Variants in SUMF1 observed in about 807,000 individuals in gnomAD.
The protein encoded by SUMF1 is formylglycine-generating enzyme.
A neutral mutation model predicts 47.6 loss-of-function variants in SUMF1; 48 were observed. The ratio of observed to expected loss-of-function variants is 1.01; its 90% CI spans 0.80 to 1.28. The LOEUF is 1.28. Among genes scored for constraint, SUMF1 ranks in the 50% most tolerant of loss-of-function variants. SUMF1 has a pLI of 0.00. For missense variants in SUMF1, 571 were observed against 485.4 expected (o/e 1.18, Z -1.66); for synonymous variants, 230 against 192.1 (o/e 1.20, Z -1.63).
chr3:4,057,589 T>C (rs917181092), intron 9 of SUMF1, among the ~76,000 whole-genome samples: 2 of 152,104 alleles, frequency 1.3e-5, no homozygotes, highest in South Asian at 2.1e-4. Context: ...AACTTTAAAA[T>C]AGAAAGGAGA....
chr3:4,209,840 T>C (rs1695740778), intron 8 of SUMF1, among the ~76,000 whole-genome samples: 1 of 152,138 alleles, frequency 6.6e-6, no homozygotes, highest in East Asian at 1.9e-4. Flanking sequence ...CTACCACAGA[T>C]TGCTGAGAGA....
At chr3:4,274,042 G>C (rs1049220473) in intron 8 of SUMF1, among the ~76,000 whole-genome samples, 4 of 152,046 alleles carry the variant, frequency 2.6e-5, no homozygotes, top group Non-Finnish European at 5.9e-5. Context: ...AATATAAACA[G>C]GGCCCATAAA....
Position 4,303,370 on chromosome 3 carries a change from A to T in SUMF1, c.1014+72960T>A, listed in dbSNP as rs778004956. On this transcript the variant is annotated intron_variant and NMD_transcript_variant, in intron 8 of 12. Coordinates refer to the SUMF1 transcript ENST00000448413. ...TAGTGGGCGTTGCGTGAGGCGGGTAAATGTTCGCGGAAGCGGCAAAGACGA... is the reference window on the plus strand; with the variant it reads ...TAGTGGGCGTTGCGTGAGGCGGGTATATGTTCGCGGAAGCGGCAAAGACGA... 3.2e-6 allele frequency: 5 copies of T among 1,546,666 alleles called. No individual in the cohort carries two copies. The South Asian group carries it at 6.2e-5, about 19-fold the overall frequency.
chr3:4,197,477 G>C (rs543409665), intron 8 of SUMF1, among the ~76,000 whole-genome samples: 12 of 152,100 alleles, frequency 7.9e-5, no homozygotes, highest in Non-Finnish European at 1.2e-4. Flanking sequence ...GAGAGGGCAT[G>C]ACAGACGGAA....
intron 8 of SUMF1, among the ~76,000 whole-genome samples, chr3:4,087,329 C>G (rs1176352435): frequency 6.6e-6 from 1 of 152,104 alleles, no homozygotes; most frequent in Admixed American, 6.6e-5. Context: ...TGCAGCATGC[C>G]TTCTTTCAAT....
downstream of SUMF1, among the ~76,000 whole-genome samples, chr3:4,357,645 G>C (rs961381325): frequency 2.0e-5 from 3 of 150,068 alleles, no homozygotes; most frequent in Non-Finnish European, 3.0e-5. Flanking sequence ...TTTCGCTCTT[G>C]TCACCCAAGC....
At chr3:4,367,678 G>A (rs969607607) in intron 8 of SUMF1, among the ~76,000 whole-genome samples, 21 of 152,198 alleles carry the variant, frequency 1.4e-4, no homozygotes, top group African/African-American at 4.8e-4. Context: ...CAGAAATAAC[G>A]CCGCATGTCT....
chr3:4,241,689 G>A (rs1225769041), intron 8 of SUMF1, among the ~76,000 whole-genome samples: 2 of 152,114 alleles, frequency 1.3e-5, no homozygotes, highest in African/African-American at 2.4e-5. Flanking sequence ...AAATACCCAA[G>A]GTTCGTTGTC....
In SUMF1 at chr3:4,149,760, G is replaced by C. The variant is rs557771012; in HGVS notation, c.1015-81015C>G. 7.9e-5 allele frequency among the ~76,000 whole-genome samples: 12 copies of C among 152,222 alleles called. No homozygotes were observed. In the East Asian group the frequency reaches 2.3e-3, roughly 29 times the overall value. On this transcript the variant is annotated intron_variant and NMD_transcript_variant, in intron 8 of 12. Coordinates refer to the SUMF1 transcript ENST00000448413. ...GAAGACTGGTAGTTTCCTACACATGGGCTTGCTCCCTGGCCTGTGGACGTG... is the reference window on the plus strand; with the variant it reads ...GAAGACTGGTAGTTTCCTACACATGCGCTTGCTCCCTGGCCTGTGGACGTG...
At chr3:4,408,828 G>A (rs1240279875) in intron 7 of SUMF1, among the ~76,000 whole-genome samples, 3 of 147,110 alleles carry the variant, frequency 2.0e-5, no homozygotes, top group Admixed American at 2.0e-4. Context: ...AAAATTAGCT[G>A]GGGGGCACCT....
intron 2 of SUMF1, among the ~76,000 whole-genome samples, chr3:4,451,088 TA>T (rs943826650): frequency 6.8e-6 from 1 of 146,868 alleles, no homozygotes; most frequent in Non-Finnish European, 1.5e-5. Flanking sequence ...ATAAAATCAA[TA>T]AAAAAATAAA....
At chr3:4,332,577 C>A (rs1553558130) in intron 8 of SUMF1, among the ~76,000 whole-genome samples, 2 of 152,050 alleles carry the variant, frequency 1.3e-5, no homozygotes, top group Non-Finnish European at 2.9e-5. Context: ...CGGCAGACAC[C>A]CTTACAAAAT....
chr3:4,202,089 C>T (rs1695552752), intron 8 of SUMF1, among the ~76,000 whole-genome samples: 2 of 151,968 alleles, frequency 1.3e-5, no homozygotes, highest in African/African-American at 4.8e-5. Flanking sequence ...CTTTGCTGTA[C>T]AGAAGCTTTT....
chr3:4,090,414 T>C (rs1041401273), intron 8 of SUMF1, among the ~76,000 whole-genome samples: 4 of 152,044 alleles, frequency 2.6e-5, no homozygotes, highest in Admixed American at 6.6e-5. Context: ...TGAGTGCACA[T>C]TGTGATGGGA....
At chr3:4,255,210 CGAGCA>C (rs1217606780) in intron 8 of SUMF1, among the ~76,000 whole-genome samples, 1 of 133,744 alleles carries the variant, frequency 7.5e-6, no homozygotes, top group Non-Finnish European at 1.7e-5. Flanking sequence ...CATCAACTAA[CGAGCA>C]AAATCACCAG....
intron 8 of SUMF1, among the ~76,000 whole-genome samples, chr3:4,363,670 C>T (rs1380979227): frequency 6.7e-6 from 1 of 150,020 alleles, no homozygotes; most frequent in Non-Finnish European, 1.5e-5. Context: ...CATCTGCAAA[C>T]AGGGACAATT....
chr3:4,306,718 T>G (rs1409621514), intron 8 of SUMF1, among the ~76,000 whole-genome samples: 1 of 152,256 alleles, frequency 6.6e-6, no homozygotes, highest in Non-Finnish European at 1.5e-5. Flanking sequence ...TCAAAACAGC[T>G]TGCTTGCTCC....
chr3:4,215,133 A>T (rs755693259), intron 8 of SUMF1, among the ~76,000 whole-genome samples: 12 of 152,216 alleles, frequency 7.9e-5, no homozygotes, highest in Non-Finnish European at 1.0e-4. Context: ...ACGAACATCG[A>T]TGCAAAAATC....
Position 4,193,527 on chromosome 3 carries a change from T to C in SUMF1, c.1015-124782A>G, listed in dbSNP as rs1214753957. Among the ~76,000 whole-genome samples the C allele has an allele frequency of 2.0e-5, 3 of 152,266 alleles. No homozygotes were observed. The East Asian group carries it at 5.8e-4, about 29-fold the overall frequency. Reference sequence around the variant, plus strand: ...TGTGGGAGACTGTGCCCTTAACTTGTAGAGTCTGTGCCAACTCCATGTACT... The same window carrying C: ...TGTGGGAGACTGTGCCCTTAACTTGCAGAGTCTGTGCCAACTCCATGTACT... On this transcript the variant is annotated intron_variant and NMD_transcript_variant, in intron 8 of 12. Transcript: ENST00000448413.
Sources: allele counts gnomAD v4.1 joint callset (sites outside exome capture counted in the v4.1 genomes callset), GRCh38; gene constraint gnomAD v4.1.1; transcripts MANE v1.5; gene names NCBI Gene and HGNC (gene_info 2026-07-23, HGNC 2026-07-21).